The following ZFPM2 variants were observed in gnomAD, a reference collection of about 807,000 sequenced individuals.
ZFPM2 encodes zinc finger protein, FOG family member 2.
A neutral mutation model predicts 98.6 loss-of-function variants in ZFPM2; 20 were observed. The observed-to-expected ratio is 0.20, with a 90% CI of 0.14 to 0.29. ZFPM2 has a LOEUF of 0.29. ZFPM2 is among the 10% of genes least tolerant of loss of function. ZFPM2 has a pLI of 1.00. For missense variants in ZFPM2, 1,310 were observed against 1,388.6 expected, an observed-to-expected ratio of 0.94 and a Z score of 0.90; for synonymous variants, 518 against 502.7, an observed-to-expected ratio of 1.03 and a Z score of -0.41.
intron 3 of ZFPM2, among the ~76,000 whole-genome samples, chr8:105,456,864 G>T (rs1812603442): frequency 6.6e-6 from 1 of 152,062 alleles, no homozygotes. Flanking sequence ...ATCAGAGACC[G>T]GGTTTCACCG....
intron 5 of ZFPM2, chr8:105,785,116 A>G (rs879496848): frequency 1.3e-5 from 2 of 152,178 alleles, no homozygotes; most frequent in Non-Finnish European, 2.9e-5. Context: ...GGGTTACCAC[A>G]TGAATGCAGA....
intron 4 of ZFPM2, among the ~76,000 whole-genome samples, chr8:105,562,161 T>A (rs570529758): frequency 6.6e-6 from 1 of 151,508 alleles, no homozygotes; most frequent in East Asian, 2.0e-4. Context: ...CAAAAAAAAA[T>A]TAGCCAGACA....
intron 2 of ZFPM2, among the ~76,000 whole-genome samples, chr8:105,442,109 G>A (rs569879177): frequency 3.0e-4 from 45 of 151,970 alleles, no homozygotes; most frequent in Admixed American, 7.9e-4. Context: ...CGAGGTGGGC[G>A]GATCACGAGG....
chr8:105,341,461 A>G (rs914692698), intron 1 of ZFPM2, among the ~76,000 whole-genome samples: 1 of 151,912 alleles, frequency 6.6e-6, no homozygotes, highest in African/African-American at 2.4e-5. Context: ...TTAAAAATAT[A>G]TACTATTACT....
At chr8:105,482,259 GA>G (rs991954363) in intron 3 of ZFPM2, among the ~76,000 whole-genome samples, 15 of 152,146 alleles carry the variant, frequency 9.9e-5, no homozygotes, top group African/African-American at 3.6e-4. Flanking sequence ...CCTTAATAGT[GA>G]TTTTTTTGGC....
intron 5 of ZFPM2, among the ~76,000 whole-genome samples, chr8:105,720,708 C>A (rs1473806256): frequency 6.6e-6 from 1 of 151,746 alleles, no homozygotes; most frequent in Non-Finnish European, 1.5e-5. Context: ...AATTCAGGTC[C>A]CCGAGACAAT....
chr8:105,440,125 A>G (rs1458364592), intron 2 of ZFPM2, among the ~76,000 whole-genome samples: 2 of 152,176 alleles, frequency 1.3e-5, no homozygotes, highest in African/African-American at 4.8e-5. Flanking sequence ...TCATATTACC[A>G]TTTATCACTT....
intron 6 of ZFPM2, 184 bp from the exon 7 acceptor site, chr8:105,798,540 G>A: frequency 1.8e-6 from 1 of 563,010 alleles, no homozygotes; most frequent in Non-Finnish European, 3.2e-6. Flanking sequence ...AAATTGCAGA[G>A]TACAACATTT....
chr8:105,800,529 A>G (rs1296990488), intron 7 of ZFPM2, among the ~76,000 whole-genome samples: 1 of 152,068 alleles, frequency 6.6e-6, no homozygotes, highest in Non-Finnish European at 1.5e-5. Context: ...AATTAAGATT[A>G]TATTAATTAC....
At chr8:105,551,124 T>A (rs1383528467) in intron 3 of ZFPM2, among the ~76,000 whole-genome samples, 1 of 152,170 alleles carries the variant, frequency 6.6e-6, no homozygotes, top group Non-Finnish European at 1.5e-5. Context: ...ATAAGTGAGA[T>A]CTTTCTATCG....
In ZFPM2 at chr8:105,393,944, T is replaced by A. The variant is rs568141008; in HGVS notation, c.41-25200T>A. ...AGTCTCGCTCTGTCACCCAGGCTGG[T>A]GTGCAGTGGTGTGATCTTGGCTCAC... On this transcript the variant is annotated intron_variant, in intron 1 of 7. Coordinates refer to ENST00000407775, the MANE Select transcript of ZFPM2 (RefSeq NM_012082.4). Among the ~76,000 whole-genome samples, 20 of 150,322 alleles carry A rather than the reference T, an allele frequency of 1.3e-4. No homozygotes were observed. In the South Asian group the frequency reaches 1.5e-3, roughly 11 times the overall value.
In ZFPM2 at chr8:105,572,033, C is replaced by CTTTT. The variant is rs869198147; in HGVS notation, c.420+10571_420+10574dup. On this transcript the variant is annotated intron_variant, in intron 4 of 7. Transcript: ENST00000407775. ...GGGGCAAGTATTCTTGGGTAAATTT[C>CTTTT]TTTTTTTTTTTTTTTTTTTTTTGAG... is the stretch of plus-strand genomic sequence containing the variant. Among the ~76,000 whole-genome samples the CTTTT allele has an allele frequency of 1.0e-3, 107 of 103,364 alleles. 2 individuals carry two copies. Among genetic ancestry groups the CTTTT allele is most frequent in the African/African-American group, 2.2e-3 (61 of 27,438 alleles). The allele number at this position is 103,364 out of a possible 152,430, so 67.8% of individuals were successfully genotyped here.
intron 7 of ZFPM2, among the ~76,000 whole-genome samples, chr8:105,800,266 T>C (rs1461860224): frequency 6.6e-6 from 1 of 152,162 alleles, no homozygotes. Context: ...AGCCTGATTT[T>C]ACCATATGCT....
At chr8:105,488,461 G>A (rs79024371) in intron 3 of ZFPM2, among the ~76,000 whole-genome samples, 2,300 of 152,118 alleles carry the variant, frequency 0.015, 51 homozygotes, top group African/African-American at 0.053. Context: ...GAAACACAGG[G>A]TTAGAAAGGT....
At chr8:105,441,187 C>A (rs532960499) in intron 2 of ZFPM2, among the ~76,000 whole-genome samples, 5 of 151,236 alleles carry the variant, frequency 3.3e-5, no homozygotes, top group African/African-American at 9.7e-5. Flanking sequence ...CAAACAAAAA[C>A]CAAAAAAACC....
chr8:105,652,091 A>T (rs1172282913), intron 5 of ZFPM2, among the ~76,000 whole-genome samples: 3 of 151,734 alleles, frequency 2.0e-5, no homozygotes, highest in Non-Finnish European at 4.4e-5. Flanking sequence ...TTGGTTCGAC[A>T]TCTTTGCATA....
At chr8:105,597,200 A>C (rs1056242119) in intron 4 of ZFPM2, among the ~76,000 whole-genome samples, 7 of 152,132 alleles carry the variant, frequency 4.6e-5, no homozygotes, top group African/African-American at 2.4e-5. Flanking sequence ...TTAAAATCAC[A>C]GAATATCAGT....
At chr8:105,710,365 T>C (rs1481617887) in intron 5 of ZFPM2, among the ~76,000 whole-genome samples, 1 of 152,108 alleles carries the variant, frequency 6.6e-6, no homozygotes, top group African/African-American at 2.4e-5. Flanking sequence ...GGGGGATATA[T>C]GGTAAATTGC....
rs767494997 is a variant in ZFPM2 at position 105,768,861 on chromosome 8, A to G, written c.533-19857A>G. On this transcript the variant is annotated intron_variant, in intron 5 of 7. Coordinates refer to ENST00000407775, the MANE Select transcript of ZFPM2 (RefSeq NM_012082.4). ...CACGCACGCACACATACATACACACATACTATATAACCTTTGGCACATCAC... is the reference window on the plus strand; with the variant it reads ...CACGCACGCACACATACATACACACGTACTATATAACCTTTGGCACATCAC... 6.6e-5 allele frequency among the ~76,000 whole-genome samples: 10 copies of G among 151,712 alleles called. No homozygotes were observed. In the East Asian group the frequency reaches 9.7e-4, roughly 15 times the overall value.
Sources: allele counts gnomAD v4.1 joint callset (sites outside exome capture counted in the v4.1 genomes callset), GRCh38; gene constraint gnomAD v4.1.1; transcripts MANE v1.5; gene names NCBI Gene and HGNC (gene_info 2026-07-23, HGNC 2026-07-21).